PDE4C: variants seen among roughly 807,000 people sequenced by gnomAD.
PDE4C encodes phosphodiesterase 4C, also known as 3',5'-cyclic-AMP phosphodiesterase 4C.
In PDE4C, 50 loss-of-function variants were observed where a neutral mutation model predicts 63.9. The ratio of observed to expected loss-of-function variants is 0.78; its 90% CI spans 0.62 to 0.99. PDE4C has a LOEUF of 0.99. PDE4C is among the 50% of genes least tolerant of loss of function. PDE4C has a pLI of 0.00. For synonymous variants in PDE4C, 377 were observed against 385.1 expected (o/e 0.98, Z 0.25); for missense variants, 777 against 899.1 (o/e 0.86, Z 1.74).
chr19:18,212,264 A>G (rs1399075881), intron 13 of PDE4C, among the ~76,000 whole-genome samples: 2 of 150,430 alleles, frequency 1.3e-5, no homozygotes, highest in African/African-American at 2.5e-5. Context: ...GCTCACTGCA[A>G]CCTCTGCCTC....
At position 18,212,038 on chromosome 19, in the gene PDE4C, C is replaced by T; in HGVS notation, c.1513-97G>A. Reference sequence around the variant, plus strand: ...GGCTTGGTGCCATGGACACATTCATCTTACAGGTGGGGAAACTGAGGCCTG... The same window carrying T: ...GGCTTGGTGCCATGGACACATTCATTTTACAGGTGGGGAAACTGAGGCCTG... On this transcript the variant is annotated intron_variant, in intron 13 of 14. Coordinates refer to ENST00000262805, the Ensembl canonical transcript of PDE4C. 5.7e-6 allele frequency: 7 copies of T among 1,236,336 alleles called. No individual in the cohort carries two copies. The Admixed American group carries it at 1.2e-4, about 21-fold the overall frequency. 76.6% of individuals were successfully genotyped at this position (1,236,336 alleles called of 1,614,324 possible). A position where few individuals can be genotyped will look rare whatever the true frequency, so the allele number is the denominator to read the frequency against.
intron 1 of PDE4C, among the ~76,000 whole-genome samples, chr19:18,238,899 G>A (rs906312820): frequency 6.6e-6 from 1 of 151,802 alleles, no homozygotes; most frequent in Non-Finnish European, 1.5e-5. Flanking sequence ...GCTGAGGCAG[G>A]AGAATCACTT....
upstream of PDE4C, among the ~76,000 whole-genome samples, chr19:18,251,418 G>A (rs1276477187): frequency 1.3e-5 from 2 of 150,884 alleles, no homozygotes; most frequent in African/African-American, 4.9e-5. Flanking sequence ...GAACCACCAC[G>A]CCCAGCCATT....
exon 1 of PDE4C, chr19:18,226,346 G>T (rs1199115705): frequency 6.5e-7 from 1 of 1,531,496 alleles, no homozygotes; most frequent in Non-Finnish European, 8.8e-7. Flanking sequence ...AAGAGCCCGG[G>T]GGAGCCGCGC....
At chr19:18,231,374 C>G (rs1404187773), upstream of PDE4C, among the ~76,000 whole-genome samples, 4 of 152,214 alleles carry the variant, frequency 2.6e-5, no homozygotes, top group Non-Finnish European at 4.4e-5. Context: ...CATACCAAGG[C>G]TCTGTTTGTT....
At chr19:18,239,026 G>A (rs1040640642) in intron 1 of PDE4C, among the ~76,000 whole-genome samples, 2 of 151,650 alleles carry the variant, frequency 1.3e-5, no homozygotes, top group African/African-American at 4.8e-5. Flanking sequence ...AAAACATGCA[G>A]TAAATAAGCA....
chr19:18,239,841 C>A lies in PDE4C; in HGVS notation c.-209-6441G>T, dbSNP rs559395720. ...AGGAGTTTGAGACCAGCCTGACCAACATGGCAAAACCCTGTCTCTACTAAA... is the reference window on the plus strand; with the variant it reads ...AGGAGTTTGAGACCAGCCTGACCAAAATGGCAAAACCCTGTCTCTACTAAA... On this transcript the variant is annotated intron_variant, in intron 1 of 15. Coordinates refer to the PDE4C transcript ENST00000594617. Among the ~76,000 whole-genome samples the A allele has an allele frequency of 2.0e-5, 3 of 152,084 alleles. No individual in the cohort carries two copies. In the East Asian group the frequency reaches 5.9e-4, roughly 30 times the overall value.
chr19:18,232,945 C>A, intron 1 of PDE4C: 1 of 1,448,260 alleles, frequency 6.9e-7, no homozygotes, highest in South Asian at 1.5e-5. Context: ...GCCCCGGCCA[C>A]CTACCGCCTG....
intron 4 of PDE4C, 56 bp downstream of exon 4, chr19:18,221,049 T>TCCGCCAGGCCCGCCCCACC: frequency 2.4e-6 from 3 of 1,239,966 alleles, no homozygotes; most frequent in Non-Finnish European, 2.3e-6. Flanking sequence ...CAGCCCGCTT[T>TCCGCCAGGCCCGCCCCACC]CCGCCCACCT....
chr19:18,221,025 C>A, intron 4 of PDE4C, 80 bp downstream of exon 4: 1 of 1,184,332 alleles, frequency 8.4e-7, no homozygotes, highest in East Asian at 2.6e-5. Context: ...CGCCGGAGCC[C>A]CAGCCTCAAT....
At chr19:18,209,286 C>G (rs1278738857), downstream of PDE4C, 1 of 150,468 alleles carries the variant, frequency 6.6e-6, no homozygotes, top group Non-Finnish European at 1.5e-5. Flanking sequence ...GAGTCTTGCT[C>G]TGTCACCCAG....
chr19:18,221,377 G>T, intron 2 of PDE4C, 80 bp from the exon 3 acceptor site: 1 of 1,419,142 alleles, frequency 7.0e-7, no homozygotes, highest in Non-Finnish European at 9.5e-7. Flanking sequence ...TCAACTGAGG[G>T]GGTCCTGCTC....
chr19:18,221,710 C>T (rs189627885), intron 2 of PDE4C, among the ~76,000 whole-genome samples: 232 of 152,184 alleles, frequency 1.5e-3, no homozygotes, highest in Non-Finnish European at 2.3e-3. Flanking sequence ...CTACAACCTC[C>T]GCCTCCTGGG....
Position 18,210,994 on chromosome 19 carries a change from C to G in PDE4C, c.1978G>C (p.Glu660Gln), listed in dbSNP as rs916015043. Reference sequence around the variant, plus strand: ...GGGCCGGCTTCAGGGGACAGGAGTTCAGTGTCAGGCAACTCCAAGGCCTCT... The same window carrying G: ...GGGCCGGCTTCAGGGGACAGGAGTTGAGTGTCAGGCAACTCCAAGGCCTCT... Residue 660 changes from glutamate to glutamine, a missense_variant, in exon 15 of 15, where the codon GAA (glutamate) becomes CAA (glutamine). Around this residue, in one of 3 missense-constraint regions of PDE4C, gnomAD observed 500 missense variants for 597.8 expected, o/e 0.84. Transcript: ENST00000262805. 3.7e-6 allele frequency: 6 copies of G among 1,614,028 alleles called. No homozygotes were observed. The African/African-American group carries it at 8.0e-5, about 22-fold the overall frequency.
upstream of PDE4C, among the ~76,000 whole-genome samples, chr19:18,250,773 A>ATTTTTTT (rs571142608): frequency 8.0e-6 from 1 of 124,656 alleles, no homozygotes; most frequent in East Asian, 2.3e-4. Context: ...TGCCTGGACA[A>ATTTTTTT]TTTTTTTTTT....
chr19:18,213,810 G>T (rs1968075299), intron 12 of PDE4C, among the ~76,000 whole-genome samples: 2 of 152,298 alleles, frequency 1.3e-5, no homozygotes, highest in South Asian at 2.1e-4. Context: ...TGTAGTCAAT[G>T]AAACCCACCT....
intron 1 of PDE4C, among the ~76,000 whole-genome samples, chr19:18,244,443 C>A (rs1026567545): frequency 6.6e-6 from 1 of 151,746 alleles, no homozygotes; most frequent in African/African-American, 2.4e-5. Context: ...TACAGGCGAC[C>A]GCGACCACAC....
chr19:18,232,868 A>G, intron 1 of PDE4C: 4 of 1,279,582 alleles, frequency 3.1e-6, no homozygotes, highest in South Asian at 1.7e-5. Context: ...CCCCCTGGAG[A>G]AGCAAGGACC....
intron 1 of PDE4C, among the ~76,000 whole-genome samples, chr19:18,242,034 G>A (rs1268952764): frequency 2.0e-5 from 3 of 152,206 alleles, no homozygotes; most frequent in Non-Finnish European, 2.9e-5. Context: ...GGGTGAGTTA[G>A]GGAATTTTCT....
Sources: allele counts gnomAD v4.1 joint callset (sites outside exome capture counted in the v4.1 genomes callset), GRCh38; gene constraint gnomAD v4.1.1; regional missense constraint gnomAD v4.1.1; transcripts MANE v1.5; gene names NCBI Gene and HGNC (gene_info 2026-07-23, HGNC 2026-07-21).